LSAMP: variants seen among roughly 807,000 people sequenced by gnomAD.
LSAMP encodes the protein limbic system-associated membrane protein.
LSAMP carries 7 observed loss-of-function variants against 38.6 expected under a neutral mutation model. The ratio of observed to expected loss-of-function variants is 0.18; its 90% CI spans 0.10 to 0.34. LSAMP has a LOEUF of 0.34. Ranked by LOEUF, LSAMP falls within the 10% of genes least tolerant of loss-of-function variation. LSAMP has a pLI of 1.00. For synonymous variants in LSAMP, 154 were observed against 166.8 expected, an observed-to-expected ratio of 0.92 and a Z score of 0.59; for missense variants, 313 against 420.0, an observed-to-expected ratio of 0.75 and a Z score of 2.23.
At chr3:115,861,150 C>CT (rs1935677986) in intron 3 of LSAMP, among the ~76,000 whole-genome samples, 1 of 48,226 alleles carries the variant, frequency 2.1e-5, no homozygotes, top group Non-Finnish European at 3.7e-5. Flanking sequence ...TCCTTCCTTC[C>CT]TTCCTTCCTT....
intron 3 of LSAMP, among the ~76,000 whole-genome samples, chr3:116,000,731 A>G (rs1159566432): frequency 6.6e-6 from 1 of 152,178 alleles, no homozygotes; most frequent in African/African-American, 2.4e-5. Flanking sequence ...TTGTATCTGT[A>G]TGACAGGTTC....
intron 3 of LSAMP, among the ~76,000 whole-genome samples, chr3:115,937,749 T>C (rs1479353161): frequency 6.6e-6 from 1 of 151,516 alleles, no homozygotes; most frequent in East Asian, 1.9e-4. Context: ...ATTCCTTTGT[T>C]AAAAGGGAAG....
At chr3:115,912,197 C>A (rs1170971344) in intron 3 of LSAMP, among the ~76,000 whole-genome samples, 2 of 152,110 alleles carry the variant, frequency 1.3e-5, no homozygotes, top group East Asian at 3.8e-4. Flanking sequence ...ACGGACCATG[C>A]TTTTGATGTC....
At chr3:116,427,272 C>T (rs1327913614) in intron 1 of LSAMP, among the ~76,000 whole-genome samples, 1 of 151,572 alleles carries the variant, frequency 6.6e-6, no homozygotes, top group African/African-American at 2.4e-5. Flanking sequence ...AGGCGCCCAC[C>T]ACCGCGCCCG....
At chr3:115,955,455 T>C (rs1938425905) in intron 3 of LSAMP, among the ~76,000 whole-genome samples, 1 of 152,204 alleles carries the variant, frequency 6.6e-6, no homozygotes, top group South Asian at 2.1e-4. Flanking sequence ...ATTCATTCCT[T>C]TCCAAATATT....
At chr3:116,222,787 G>A (rs889315939) in intron 1 of LSAMP, among the ~76,000 whole-genome samples, 6 of 132,416 alleles carry the variant, frequency 4.5e-5, no homozygotes, top group African/African-American at 1.8e-4. Flanking sequence ...CCAGGCTGGA[G>A]TCCAGTGGCG....
intron 6 of LSAMP, among the ~76,000 whole-genome samples, chr3:115,814,924 G>GA (rs1933964963): frequency 6.6e-6 from 1 of 152,200 alleles, no homozygotes; most frequent in South Asian, 2.1e-4. Context: ...GGTATCCTGG[G>GA]AAGATGCATT....
chr3:116,281,922 C>G (rs889010667), intron 1 of LSAMP, among the ~76,000 whole-genome samples: 5 of 152,204 alleles, frequency 3.3e-5, no homozygotes, highest in South Asian at 2.1e-4. Context: ...TCCATCTTCA[C>G]ATTAACAACT....
chr3:116,202,670 C>G (rs1002657321), intron 1 of LSAMP, among the ~76,000 whole-genome samples: 1 of 152,070 alleles, frequency 6.6e-6, no homozygotes, highest in Admixed American at 6.6e-5. Flanking sequence ...GTGATCCTCC[C>G]AACTCAGCCT....
At chr3:115,866,972 G>A (rs903592956) in intron 3 of LSAMP, among the ~76,000 whole-genome samples, 3 of 152,028 alleles carry the variant, frequency 2.0e-5, no homozygotes, top group Admixed American at 1.3e-4. Flanking sequence ...AATAGGTTCT[G>A]TGGAACTGGA....
chr3:115,869,110 C>T (rs777532227), intron 3 of LSAMP, among the ~76,000 whole-genome samples: 11 of 151,990 alleles, frequency 7.2e-5, no homozygotes, highest in African/African-American at 1.9e-4. Flanking sequence ...TCAATGGTTA[C>T]GCTAAAATAA....
intron 1 of LSAMP, among the ~76,000 whole-genome samples, chr3:116,219,760 C>T (rs900035012): frequency 6.6e-6 from 1 of 152,046 alleles, no homozygotes; most frequent in Non-Finnish European, 1.5e-5. Context: ...GAAACTAATA[C>T]AAATAACTCA....
chr3:116,164,773 T>TTTTCAAGTAGCA (rs1279357951), intron 1 of LSAMP, among the ~76,000 whole-genome samples: 2 of 143,808 alleles, frequency 1.4e-5, no homozygotes, highest in Non-Finnish European at 3.0e-5. Flanking sequence ...TTTTTTTTTT[T>TTTTCAAGTAGCA]TCAAGTAGCA....
At chr3:115,819,592 G>A (rs1209612778) in intron 6 of LSAMP, among the ~76,000 whole-genome samples, 1 of 152,078 alleles carries the variant, frequency 6.6e-6, no homozygotes, top group Non-Finnish European at 1.5e-5. Context: ...GCTCCCCTAT[G>A]AATCAACTAG....
At chr3:116,062,502 C>T (rs143964165) in intron 2 of LSAMP, among the ~76,000 whole-genome samples, 50 of 151,836 alleles carry the variant, frequency 3.3e-4, no homozygotes, top group Middle Eastern at 3.4e-3. Flanking sequence ...GGCGACAGAG[C>T]GAGACTCCCT....
intron 1 of LSAMP, among the ~76,000 whole-genome samples, chr3:116,114,201 C>T (rs1279590349): frequency 6.6e-6 from 1 of 152,172 alleles, no homozygotes; most frequent in African/African-American, 2.4e-5. Context: ...CCCATGCTCC[C>T]TTCTTTCCTG....
chr3:116,315,992 G>A (rs2047623683), intron 1 of LSAMP, among the ~76,000 whole-genome samples: 1 of 152,180 alleles, frequency 6.6e-6, no homozygotes, highest in African/African-American at 2.4e-5. Context: ...TCAAAAAGAG[G>A]GGGATTAAAA....
At chr3:116,163,727 C>T (rs545110936) in intron 1 of LSAMP, among the ~76,000 whole-genome samples, 1 of 150,996 alleles carries the variant, frequency 6.6e-6, no homozygotes, top group Non-Finnish European at 1.5e-5. Context: ...TCCACATCCT[C>T]TCCAAAAAAA....
intron 2 of LSAMP, among the ~76,000 whole-genome samples, chr3:116,056,450 A>G (rs1028651818): frequency 1.3e-5 from 2 of 152,186 alleles, no homozygotes; most frequent in Non-Finnish European, 2.9e-5. Context: ...AACTAAATAT[A>G]TGATTCGGAC....
Sources: gnomAD v4.1 joint callset for allele counts (sites outside exome capture counted in the v4.1 genomes callset) on GRCh38, gnomAD v4.1.1 for gene constraint, MANE v1.5 for transcripts, NCBI Gene and HGNC (gene_info 2026-07-23, HGNC 2026-07-21) for gene names.